The following CASK variants were observed in gnomAD, a reference collection of about 807,000 sequenced individuals.
The protein encoded by CASK is calcium/calmodulin dependent serine protein kinase.
CASK carries 4 observed loss-of-function variants against 82.9 expected under a neutral mutation model. The ratio of observed to expected loss-of-function variants is 0.05; its 90% CI spans 0.02 to 0.11. The LOEUF (loss-of-function observed/expected upper bound fraction) is 0.11, where lower values mean the gene tolerates loss of function less well. Among genes scored for constraint, CASK ranks in the 10% least tolerant of loss-of-function variants. The pLI is 1.00. For synonymous variants in CASK, 259 were observed against 253.5 expected, an observed-to-expected ratio of 1.02 and a Z score of -0.20; for missense variants, 358 against 720.9, an observed-to-expected ratio of 0.50 and a Z score of 5.76.
intron 3 of CASK, among the ~76,000 whole-genome samples, chrX:41,747,587 C>T (rs888362718): frequency 4.5e-4 from 50 of 111,461 alleles, no homozygotes; most frequent in African/African-American, 1.5e-3. Flanking sequence ...TACAGGCGCC[C>T]GCCACCACGC....
intron 2 of CASK, among the ~76,000 whole-genome samples, chrX:41,850,604 A>G (rs1320294505): frequency 8.9e-6 from 1 of 112,365 alleles, no homozygotes; most frequent in East Asian, 2.8e-4. Flanking sequence ...ATTTCTAGAT[A>G]TTATTTGAAC....
chrX:41,845,256 T>C (rs1021545863), intron 2 of CASK, among the ~76,000 whole-genome samples: 1 of 112,006 alleles, frequency 8.9e-6, no homozygotes, highest in Non-Finnish European at 1.9e-5. Context: ...TGTTTAGTTG[T>C]TGAATCCATT....
intron 1 of CASK, among the ~76,000 whole-genome samples, chrX:41,863,987 T>C (rs1203515794): frequency 9.0e-6 from 1 of 111,598 alleles, no homozygotes; most frequent in Non-Finnish European, 1.9e-5. Flanking sequence ...TGCAAGCCAT[T>C]AATCACAACT....
chrX:41,626,543 G>A (rs1015608161), intron 10 of CASK, 61 bp downstream of exon 10: 1 of 700,699 alleles, frequency 1.4e-6, no homozygotes, highest in Non-Finnish European at 2.3e-6. Flanking sequence ...TTCACAATGG[G>A]AGAGAATGGA....
intron 1 of CASK, among the ~76,000 whole-genome samples, chrX:41,915,667 C>T: frequency 9.1e-6 from 1 of 109,827 alleles, no homozygotes; most frequent in Non-Finnish European, 1.9e-5. Context: ...AGTTCGAGAC[C>T]AGCCTGGTGA....
intron 1 of CASK, among the ~76,000 whole-genome samples, chrX:41,907,728 GCACTATTT>G (rs1186838725): frequency 9.0e-6 from 1 of 111,439 alleles, no homozygotes; most frequent in African/African-American, 3.3e-5. Context: ...AGAAGGGATG[GCACTATTT>G]CAATGGCTTA....
intron 2 of CASK, among the ~76,000 whole-genome samples, chrX:41,833,195 C>T (rs951684861): frequency 1.1e-4 from 12 of 111,668 alleles, no homozygotes; most frequent in African/African-American, 3.6e-4. Context: ...CGAGGCTTAA[C>T]TACACATGAA....
chrX:41,801,433 C>T (rs1475772279), intron 2 of CASK, among the ~76,000 whole-genome samples: 1 of 112,043 alleles, frequency 8.9e-6, no homozygotes, highest in Non-Finnish European at 1.9e-5. Flanking sequence ...GTCCCAGCCT[C>T]CTCCAGCTCC....
chrX:41,628,470 A>C (rs781494087), intron 9 of CASK, among the ~76,000 whole-genome samples: 2 of 110,891 alleles, frequency 1.8e-5, no homozygotes, highest in South Asian at 7.7e-4. Flanking sequence ...TGCCTGGCTA[A>C]CTTTTGTATT....
chrX:41,848,818 T>C (rs2071207808), intron 2 of CASK, among the ~76,000 whole-genome samples: 1 of 111,743 alleles, frequency 8.9e-6, no homozygotes, highest in Non-Finnish European at 1.9e-5. Flanking sequence ...TCAAGGTTAC[T>C]ACAGAACTGG....
intron 1 of CASK, among the ~76,000 whole-genome samples, chrX:41,888,496 T>C (rs754444153): frequency 3.7e-5 from 4 of 109,367 alleles, no homozygotes; most frequent in African/African-American, 1.3e-4. Flanking sequence ...CTCCCACTTA[T>C]GAGAACATAC....
intron 15 of CASK, among the ~76,000 whole-genome samples, chrX:41,570,010 C>CTTTTTTTTTTTTTTTTTTTTTTT (rs397937722): frequency 2.8e-5 from 2 of 70,626 alleles, no homozygotes; most frequent in Non-Finnish European, 5.3e-5. Flanking sequence ...TTTCTTTTTT[C>CTTTTTTTTTTTTTTTTTTTTTTT]TTTTTTTTTT....
At chrX:41,816,281 TATCTAATAACAGAACTTCAAA>T (rs2070409602) in intron 2 of CASK, among the ~76,000 whole-genome samples, 1 of 112,151 alleles carries the variant, frequency 8.9e-6, no homozygotes, top group Non-Finnish European at 1.9e-5. Flanking sequence ...AATGTATAAG[TATCTAATAACAGAACTTCAAA>T]ATACATAAAA....
chrX:41,551,630 C>A (rs768294032), intron 21 of CASK, among the ~76,000 whole-genome samples: 16 of 109,929 alleles, frequency 1.5e-4, no homozygotes, highest in African/African-American at 5.3e-4. Flanking sequence ...GGTGTGGTGG[C>A]TCACACCTGT....
chrX:41,569,735 T>A lies in CASK; in HGVS notation c.1515A>T (p.Leu505Phe). Residue 505 changes from leucine to phenylalanine, a missense_variant, in exon 16 of 27, where the codon TTA becomes TTT. This residue lies in a region of CASK where 110 missense variants were observed against 218.8 expected (regional missense o/e 0.50). Transcript: ENST00000378163. ...KNTDEPMGITLKMNELNHCIV... is the reference protein window; with the variant it reads ...KNTDEPMGITFKMNELNHCIV... ...TACAATGATTTAGTTCATTCATTTT[T>A]AAAGTGATTCCCTGTTAAAAAAAAA... is the stretch of plus-strand genomic sequence containing the variant. 1 of 1,123,208 alleles carries A rather than the reference T, an allele frequency of 8.9e-7. No homozygotes were observed. The allele number at this position is 1,123,208 out of a possible 1,213,427, so 92.6% of individuals were successfully genotyped here.
rs1271038818 is a variant in CASK, at chrX:41,587,000, C to T, written c.1234-13G>A. ...TTTCTTCCAATACCTAAAAAATAAA[C>T]AAGATATACAATAATACAAACATGA... On this transcript the variant is annotated splice_polypyrimidine_tract_variant and intron_variant, in intron 13 of 26. Transcript: ENST00000378163. 1 of 935,740 alleles carries T rather than the reference C, an allele frequency of 1.1e-6. No homozygotes were observed. The highest frequency in any genetic ancestry group is 3.1e-5 in the East Asian group (1 of 32,428). The allele number at this position is 935,740 out of a possible 1,213,427, so 77.1% of individuals were successfully genotyped here. A position where few individuals can be genotyped will look rare whatever the true frequency, so the allele number is the denominator to read the frequency against.
At chrX:41,909,986 C>T (rs2072534754) in intron 1 of CASK, among the ~76,000 whole-genome samples, 1 of 111,560 alleles carries the variant, frequency 9.0e-6, no homozygotes, top group Non-Finnish European at 1.9e-5. Flanking sequence ...CTTTGGGAGG[C>T]CGAGGCAGGC....
chrX:41,616,261 C>T (rs1379149984), intron 11 of CASK, among the ~76,000 whole-genome samples: 1 of 111,703 alleles, frequency 9.0e-6, no homozygotes, highest in Non-Finnish European at 1.9e-5. Flanking sequence ...GAATTAAGTA[C>T]TTAAGGAAAC....
chrX:41,612,378 G>A (rs1394834652), intron 11 of CASK, among the ~76,000 whole-genome samples: 1 of 105,166 alleles, frequency 9.5e-6, no homozygotes, highest in Non-Finnish European at 2.0e-5. Flanking sequence ...GAGACCCTCC[G>A]CCCGGCAACC....
Sources: gnomAD v4.1 joint callset for allele counts (sites outside exome capture counted in the v4.1 genomes callset) on GRCh38, gnomAD v4.1.1 for gene constraint, gnomAD v4.1.1 regional missense constraint, MANE v1.5 for transcripts, NCBI Gene and HGNC (gene_info 2026-07-23, HGNC 2026-07-21) for gene names.